The following NR2F1-AS1 variants were observed in gnomAD, a reference collection of about 807,000 sequenced individuals.
NR2F1-AS1 encodes NR2F1 antisense RNA 1.
chr5:93,515,045 G>A (rs548483925), intron 4 of NR2F1-AS1, among the ~76,000 whole-genome samples: 17 of 151,720 alleles, frequency 1.1e-4, no homozygotes, highest in Non-Finnish European at 2.1e-4. Flanking sequence ...AACTTTATTT[G>A]GCAAGCTTCT....
chr5:93,574,579 A>G (rs887576305), intron 1 of NR2F1-AS1, among the ~76,000 whole-genome samples: 1 of 152,130 alleles, frequency 6.6e-6, no homozygotes, highest in Non-Finnish European at 1.5e-5. Flanking sequence ...TGATTCGTGG[A>G]AAGAAAAGAA....
chr5:93,466,192 C>G (rs1176009222), intron 4 of NR2F1-AS1, among the ~76,000 whole-genome samples: 1 of 152,056 alleles, frequency 6.6e-6, no homozygotes, highest in Non-Finnish European at 1.5e-5. Flanking sequence ...TTTTCTCATT[C>G]CACCCATTCT....
chr5:93,477,491 T>C (rs1421750138), intron 4 of NR2F1-AS1, among the ~76,000 whole-genome samples: 8 of 152,214 alleles, frequency 5.3e-5, no homozygotes, highest in Non-Finnish European at 7.4e-5. Flanking sequence ...ACCCCCTTTC[T>C]GCAGTTTAGA....
In NR2F1-AS1 at chr5:93,504,531, T is replaced by C. The variant is rs1751146481; in HGVS notation, n.638+49230A>G. 5.3e-5 allele frequency among the ~76,000 whole-genome samples: 8 copies of C among 152,200 alleles called. No homozygotes were observed. The South Asian group carries it at 1.5e-3, about 28-fold the overall frequency. ...AGACTAGGGTATTAGTCCATTTTCA[T>C]GCTGCTGATAAAGGCATACTCGAGA... On this transcript the variant is annotated intron_variant and non_coding_transcript_variant, in intron 4 of 5. Coordinates refer to ENST00000660523, the Ensembl canonical transcript of NR2F1-AS1.
intron 1 of NR2F1-AS1, among the ~76,000 whole-genome samples, chr5:93,578,996 C>CTAG (rs1457538528): frequency 6.6e-6 from 1 of 152,146 alleles, no homozygotes; most frequent in Non-Finnish European, 1.5e-5. Flanking sequence ...CTCTCAGTGC[C>CTAG]TCTAGGGAAG....
chr5:93,482,763 G>C (rs1207135028), intron 4 of NR2F1-AS1, among the ~76,000 whole-genome samples: 4 of 152,188 alleles, frequency 2.6e-5, no homozygotes, highest in Admixed American at 2.0e-4. Context: ...TAGCTTGGTG[G>C]AGGGAGAGGC....
chr5:93,428,017 C>T (rs1437852773), intron 4 of NR2F1-AS1, among the ~76,000 whole-genome samples: 1 of 152,062 alleles, frequency 6.6e-6, no homozygotes, highest in Non-Finnish European at 1.5e-5. Flanking sequence ...ATTCTGGGTC[C>T]ACTTCATAAA....
At chr5:93,537,276 A>C (rs1561488812) in intron 4 of NR2F1-AS1, among the ~76,000 whole-genome samples, 1 of 152,200 alleles carries the variant, frequency 6.6e-6, no homozygotes, top group Admixed American at 6.5e-5. Context: ...TTAAACATAT[A>C]GGCAACAAAA....
chr5:93,477,384 C>T (rs746547661), intron 4 of NR2F1-AS1, among the ~76,000 whole-genome samples: 4 of 152,110 alleles, frequency 2.6e-5, no homozygotes, highest in African/African-American at 4.8e-5. Flanking sequence ...ATTTTAATTA[C>T]AATAAAAGGG....
At chr5:93,575,577 T>G (rs916328576) in intron 1 of NR2F1-AS1, among the ~76,000 whole-genome samples, 2 of 152,122 alleles carry the variant, frequency 1.3e-5, no homozygotes, top group Non-Finnish European at 2.9e-5. Flanking sequence ...AAAGTAAAGG[T>G]CTTGTCTTGC....
At chr5:93,504,055 A>G (rs1484333258) in intron 4 of NR2F1-AS1, among the ~76,000 whole-genome samples, 1 of 152,128 alleles carries the variant, frequency 6.6e-6, no homozygotes, top group Non-Finnish European at 1.5e-5. Flanking sequence ...AAAAAGGAGG[A>G]AAAAAAATCT....
In NR2F1-AS1 at chr5:93,439,921, C is replaced by G. The variant is rs540534247; in HGVS notation, n.639-44379G>C. Among the ~76,000 whole-genome samples the G allele has an allele frequency of 2.6e-5, 4 of 152,244 alleles. No individual in the cohort carries two copies. In the East Asian group the frequency reaches 7.7e-4, roughly 29 times the overall value. ...TAAATGATATATTTGCTTATCTCCC[C>G]AACTAGACAGTAACCTCCTTGAAGA... On this transcript the variant is annotated intron_variant and non_coding_transcript_variant, in intron 4 of 5. Coordinates refer to ENST00000660523, the Ensembl canonical transcript of NR2F1-AS1.
chr5:93,557,652 G>A (rs1440708239), intron 2 of NR2F1-AS1, among the ~76,000 whole-genome samples: 2 of 152,126 alleles, frequency 1.3e-5, no homozygotes, highest in Non-Finnish European at 2.9e-5. Flanking sequence ...GTCTTGCCTT[G>A]AAGTTGATGA....
chr5:93,532,005 G>C (rs1393173745), intron 4 of NR2F1-AS1, among the ~76,000 whole-genome samples: 1 of 152,062 alleles, frequency 6.6e-6, no homozygotes, highest in Non-Finnish European at 1.5e-5. Flanking sequence ...TTCTTCATAA[G>C]TGTGTGTTTT....
At position 93,413,957 on chromosome 5, in the gene NR2F1-AS1, A is replaced by G. The variant is rs562917830; in HGVS notation, n.639-18415T>C. Among the ~76,000 whole-genome samples, 11 of 152,316 alleles carry G rather than the reference A, an allele frequency of 7.2e-5. No homozygotes were observed. The South Asian group carries it at 2.3e-3, about 32-fold the overall frequency. ...GATCTTTTTGAGTTAGGATGCAAGC[A>G]AGACAAATCCTGGGGGGTTTGTAAG... is the stretch of plus-strand genomic sequence containing the variant. On this transcript the variant is annotated intron_variant and non_coding_transcript_variant, in intron 4 of 5. Transcript: ENST00000660523.
intron 4 of NR2F1-AS1, among the ~76,000 whole-genome samples, chr5:93,511,429 G>T (rs1751293315): frequency 6.6e-6 from 1 of 152,174 alleles, no homozygotes; most frequent in Non-Finnish European, 1.5e-5. Flanking sequence ...TAGCTTGCAA[G>T]GAGCAGATCA....
At chr5:93,583,295 C>T (rs1561522147), upstream of NR2F1-AS1, 1 of 148,768 alleles carries the variant, frequency 6.7e-6, no homozygotes, top group Non-Finnish European at 1.5e-5. Flanking sequence ...CTCTCTCTCT[C>T]TTCTTCTCTT....
intron 4 of NR2F1-AS1, among the ~76,000 whole-genome samples, chr5:93,446,657 C>G (rs1749715751): frequency 6.6e-6 from 1 of 152,120 alleles, no homozygotes; most frequent in Non-Finnish European, 1.5e-5. Context: ...AATGCTATCC[C>G]CATCAATCTA....
intron 4 of NR2F1-AS1, among the ~76,000 whole-genome samples, chr5:93,472,999 C>T (rs975454982): frequency 6.6e-6 from 1 of 151,832 alleles, no homozygotes; most frequent in Admixed American, 6.6e-5. Flanking sequence ...ATATATAAAA[C>T]ATATACCACC....
Sources: gnomAD v4.1 joint callset for allele counts (sites outside exome capture counted in the v4.1 genomes callset) on GRCh38, gnomAD v4.1.1 for gene constraint, MANE v1.5 for transcripts, NCBI Gene and HGNC (gene_info 2026-07-23, HGNC 2026-07-21) for gene names.